PRKG1: variants seen among roughly 807,000 people sequenced by gnomAD.
PRKG1 encodes protein kinase cGMP-dependent 1, also known as cGMP-dependent protein kinase 1.
Under a neutral mutation model 88.1 loss-of-function variants are expected in PRKG1, and 35 were observed. That is an observed-to-expected ratio of 0.40 (90% CI 0.30 to 0.53). PRKG1 has a LOEUF of 0.53. Ranked by LOEUF, PRKG1 falls within the 20% of genes least tolerant of loss-of-function variation. The pLI is 0.59. For missense variants in PRKG1, 540 were observed against 839.8 expected, an observed-to-expected ratio of 0.64 and a Z score of 4.41; for synonymous variants, 303 against 292.5, an observed-to-expected ratio of 1.04 and a Z score of -0.37.
At chr10:51,525,643 A>T (rs949008500) in intron 3 of PRKG1, among the ~76,000 whole-genome samples, 13 of 152,282 alleles carry the variant, frequency 8.5e-5, no homozygotes, top group African/African-American at 2.9e-4. Flanking sequence ...GCTTGCAGTG[A>T]TCTGAGATTG....
chr10:51,767,665 A>G (rs893383661), intron 3 of PRKG1, among the ~76,000 whole-genome samples: 1 of 152,180 alleles, frequency 6.6e-6, no homozygotes, highest in African/African-American at 2.4e-5. Context: ...CTGTTAGAAC[A>G]GATGACCTCC....
At chr10:51,941,181 C>A (rs1842899180) in intron 5 of PRKG1, among the ~76,000 whole-genome samples, 1 of 151,918 alleles carries the variant, frequency 6.6e-6, no homozygotes, top group African/African-American at 2.4e-5. Context: ...GATTTCTTTT[C>A]TTTTGTTCCA....
intron 2 of PRKG1, among the ~76,000 whole-genome samples, chr10:51,191,820 G>C (rs1398247893): frequency 6.6e-6 from 1 of 151,780 alleles, no homozygotes; most frequent in Admixed American, 6.6e-5. Context: ...CTTATTTGAT[G>C]AGTTGGGGAA....
intron 16 of PRKG1, 111 bp downstream of exon 16, chr10:52,289,104 G>A: frequency 9.5e-7 from 1 of 1,049,444 alleles, no homozygotes; most frequent in Non-Finnish European, 1.4e-6. Flanking sequence ...AACATCCAAA[G>A]ACAGCGTATA....
At chr10:51,128,882 C>T (rs894070813) in intron 1 of PRKG1, among the ~76,000 whole-genome samples, 6 of 152,070 alleles carry the variant, frequency 3.9e-5, no homozygotes, top group South Asian at 2.1e-4. Context: ...GACGTTAATT[C>T]GATGAAAGTT....
intron 9 of PRKG1, among the ~76,000 whole-genome samples, chr10:52,230,371 A>G (rs1210869869): frequency 1.3e-5 from 2 of 152,238 alleles, no homozygotes; most frequent in Non-Finnish European, 2.9e-5. Flanking sequence ...CATGAAAAAT[A>G]ATGATCATCT....
At chr10:51,650,303 T>G (rs1378999806) in intron 3 of PRKG1, among the ~76,000 whole-genome samples, 1 of 152,212 alleles carries the variant, frequency 6.6e-6, no homozygotes, top group African/African-American at 2.4e-5. Context: ...ATTGGAATCT[T>G]GGCTCTCTAA....
At chr10:51,300,944 T>C (rs1422610205) in intron 2 of PRKG1, among the ~76,000 whole-genome samples, 1 of 152,216 alleles carries the variant, frequency 6.6e-6, no homozygotes, top group Non-Finnish European at 1.5e-5. Flanking sequence ...GTGCTAAGCT[T>C]CTAATTTCAC....
chr10:51,937,830 T>G (rs78439276), intron 5 of PRKG1, among the ~76,000 whole-genome samples: 5,549 of 152,044 alleles, frequency 0.036, 293 homozygotes, highest in African/African-American at 0.12. Context: ...CCGAAAATAT[T>G]AAATGGAAAA....
At position 51,549,146 on chromosome 10, in the gene PRKG1, C is replaced by G. The variant is rs550508524; in HGVS notation, c.592+81310C>G. Among the ~76,000 whole-genome samples the G allele has an allele frequency of 1.8e-3, 73 of 40,760 alleles. 1 individual carries two copies. The highest frequency in any genetic ancestry group is 7.1e-3 in the African/African-American group (73 of 10,222). The allele number at this position is 40,760 out of a possible 152,430, so 26.7% of individuals were successfully genotyped here. A position where few individuals can be genotyped will look rare whatever the true frequency, so the allele number is the denominator to read the frequency against. ...TTTTTTTTTTTTTTTTTTTTTGAGACAGAGTCTTGCTCTGTCACCCAGGCT... is the reference window on the plus strand; with the variant it reads ...TTTTTTTTTTTTTTTTTTTTTGAGAGAGAGTCTTGCTCTGTCACCCAGGCT... On this transcript the variant is annotated intron_variant, in intron 3 of 17. Coordinates refer to ENST00000373980, the MANE Select transcript of PRKG1 (RefSeq NM_006258.4).
intron 3 of PRKG1, among the ~76,000 whole-genome samples, chr10:51,525,063 A>G (rs1589045104): frequency 6.6e-6 from 1 of 152,130 alleles, no homozygotes; most frequent in Non-Finnish European, 1.5e-5. Flanking sequence ...TGAATCACCT[A>G]TAATCAGTAT....
In PRKG1 at chr10:51,983,001, C is replaced by T. The variant is rs1303419703; in HGVS notation, c.763-71483C>T. 7.9e-5 allele frequency among the ~76,000 whole-genome samples: 12 copies of T among 152,230 alleles called. No individual in the cohort carries two copies. In the East Asian group the frequency reaches 2.1e-3, roughly 27 times the overall value. ...ACGGTGTTAATATGGGGATGGGGCACTGGTGGCCTCTTTGTGTGCTGCGGG... is the reference window on the plus strand; with the variant it reads ...ACGGTGTTAATATGGGGATGGGGCATTGGTGGCCTCTTTGTGTGCTGCGGG... On this transcript the variant is annotated intron_variant, in intron 5 of 17. Transcript: ENST00000373980.
At chr10:51,036,430 T>C (rs1218682237) in intron 1 of PRKG1, among the ~76,000 whole-genome samples, 1 of 151,910 alleles carries the variant, frequency 6.6e-6, no homozygotes, top group African/African-American at 2.4e-5. Flanking sequence ...GATATGAGCA[T>C]GGAGAAGGGA....
intron 7 of PRKG1, among the ~76,000 whole-genome samples, chr10:52,125,578 T>C (rs915509507): frequency 1.3e-5 from 2 of 152,150 alleles, no homozygotes; most frequent in Admixed American, 1.3e-4. Flanking sequence ...TTGCCCTCAA[T>C]TGGAACACGT....
intron 1 of PRKG1, among the ~76,000 whole-genome samples, chr10:51,134,087 A>G (rs371766312): frequency 4.4e-4 from 67 of 152,338 alleles, no homozygotes; most frequent in African/African-American, 1.6e-3. Flanking sequence ...TCAAAATTTT[A>G]ATGTTAATTG....
At chr10:51,828,565 G>A (rs1025816650) in intron 4 of PRKG1, among the ~76,000 whole-genome samples, 2 of 152,152 alleles carry the variant, frequency 1.3e-5, no homozygotes, top group African/African-American at 4.8e-5. Context: ...GGAACAACCT[G>A]ATATTCTGTG....
intron 2 of PRKG1, among the ~76,000 whole-genome samples, chr10:51,250,053 A>G (rs188243307): frequency 6.6e-6 from 1 of 151,924 alleles, no homozygotes; most frequent in East Asian, 1.9e-4. Flanking sequence ...TCTTACTGAC[A>G]TCATGAGCCT....
chr10:51,628,536 A>G (rs1386959610), intron 3 of PRKG1, among the ~76,000 whole-genome samples: 2 of 152,168 alleles, frequency 1.3e-5, no homozygotes, highest in Non-Finnish European at 2.9e-5. Flanking sequence ...GCTCTGGTAT[A>G]TATTTTTACC....
intron 1 of PRKG1, among the ~76,000 whole-genome samples, chr10:51,132,276 T>C (rs1845584714): frequency 6.6e-6 from 1 of 152,184 alleles, no homozygotes; most frequent in Non-Finnish European, 1.5e-5. Context: ...TGCCTGAGGC[T>C]ACTTGCCCTA....
Sources: gnomAD v4.1 joint callset for allele counts (sites outside exome capture counted in the v4.1 genomes callset) on GRCh38, gnomAD v4.1.1 for gene constraint, MANE v1.5 for transcripts, NCBI Gene and HGNC (gene_info 2026-07-23, HGNC 2026-07-21) for gene names.